CRB1: variants seen among roughly 807,000 people sequenced by gnomAD.
The protein encoded by CRB1 is crumbs cell polarity complex component 1, also known as protein crumbs homolog 1.
Under a neutral mutation model 120.0 loss-of-function variants are expected in CRB1, and 83 were observed. The ratio of observed to expected loss-of-function variants is 0.69; its 90% CI spans 0.58 to 0.83. CRB1 has a LOEUF of 0.83. Among genes scored for constraint, CRB1 ranks in the 40% least tolerant of loss-of-function variants. The pLI, the probability that CRB1 is intolerant of heterozygous loss-of-function variation, is 0.00. For synonymous variants in CRB1, 625 were observed against 612.5 expected, an observed-to-expected ratio of 1.02 and a Z score of -0.30; for missense variants, 1,699 against 1,687.6, an observed-to-expected ratio of 1.01 and a Z score of -0.12.
At chr1:197,316,260 C>T (rs1196261720) in intron 1 of CRB1, among the ~76,000 whole-genome samples, 1 of 152,106 alleles carries the variant, frequency 6.6e-6, no homozygotes, top group Non-Finnish European at 1.5e-5. Flanking sequence ...TCTTGGCTCA[C>T]TGCAAGCTCC....
chr1:197,261,560 C>G, the CRB1 span, among the ~76,000 whole-genome samples: 1 of 152,112 alleles, frequency 6.6e-6, no homozygotes, highest in Non-Finnish European at 1.5e-5. Context: ...ATTCATCTAT[C>G]CATCATCTAT....
intron 1 of CRB1, among the ~76,000 whole-genome samples, chr1:197,294,777 A>G (rs1656417897): frequency 6.6e-6 from 1 of 152,104 alleles, no homozygotes; most frequent in Non-Finnish European, 1.5e-5. Flanking sequence ...GAAGCTGGAA[A>G]CTATCATTCT....
At chr1:197,223,025 C>G in the CRB1 span, 1 of 788,712 alleles carries the variant, frequency 1.3e-6, no homozygotes, top group East Asian at 2.4e-5. Flanking sequence ...TGACACCTCC[C>G]TTATGAGGAA....
Position 197,347,465 on chromosome 1 carries a change from G to C in CRB1, c.974G>C (p.Cys325Ser). 1 of 1,614,120 alleles carries C rather than the reference G, an allele frequency of 6.2e-7. No individual in the cohort carries two copies. The highest frequency in any genetic ancestry group is 8.5e-7 in the Non-Finnish European group (1 of 1,180,002). ...GAGGACAGTGTTGACAATTACACTT[G>C]TCACTGCTGGCCTGGTGAGTGACAA... Reference protein sequence around the residue: ...TCEDSVDNYTCHCWPGYTGAQ... With the variant: ...TCEDSVDNYTSHCWPGYTGAQ... Residue 325 changes from cysteine (C) to serine (S), a missense_variant, in exon 4 of 12, where the codon TGT becomes TCT. By Grantham distance (112) the Cys-to-Ser change is moderately radical. Transcript: ENST00000367400.
intron 2 of CRB1, among the ~76,000 whole-genome samples, chr1:197,340,526 C>G (rs1002991368): frequency 6.6e-6 from 1 of 151,740 alleles, no homozygotes; most frequent in Non-Finnish European, 1.5e-5. Context: ...AGAGTGATTG[C>G]GAAAAGAGAA....
chr1:197,278,558 A>G (rs1229170911), intron 1 of CRB1, among the ~76,000 whole-genome samples: 2 of 151,908 alleles, frequency 1.3e-5, no homozygotes, highest in Admixed American at 1.3e-4. Context: ...ATAGCTCTTA[A>G]AAGCTTCAGC....
intron 5 of CRB1, among the ~76,000 whole-genome samples, chr1:197,403,002 G>A (rs1663145427): frequency 6.6e-6 from 1 of 151,906 alleles, no homozygotes; most frequent in Admixed American, 6.6e-5. Flanking sequence ...TTTCATTTTT[G>A]TGTCTTTTTA....
At chr1:197,328,355 C>A in intron 1 of CRB1, 67 bp from the exon 2 acceptor site, 6 of 1,344,632 alleles carry the variant, frequency 4.5e-6, no homozygotes, top group Non-Finnish European at 6.3e-6. Context: ...ACAAAGGTCA[C>A]AAAGAAAGAT....
chr1:197,331,652 G>A (rs1254084255), intron 2 of CRB1, among the ~76,000 whole-genome samples: 1 of 151,998 alleles, frequency 6.6e-6, no homozygotes, highest in Non-Finnish European at 1.5e-5. Flanking sequence ...TTAAGATAGT[G>A]TCTTCCATTT....
chr1:197,447,814 A>C, intron 11 of CRB1, among the ~76,000 whole-genome samples: 1 of 150,184 alleles, frequency 6.7e-6, no homozygotes, highest in East Asian at 2.0e-4. Flanking sequence ...TGATGGCACC[A>C]CTGCACTCCA....
At position 197,478,329 on chromosome 1, in the gene CRB1, GTTA is replaced by G. The variant is rs1243852349; in HGVS notation, c.*453_*455del. ...TCACTTCTCCTATCATGTGGTCAAA[GTTA>G]TTGTTGTATACCAGCGATGGGATGT... On this transcript the variant is annotated 3_prime_UTR_variant, in exon 12 of 12. Transcript: ENST00000367400. 2.1e-5 allele frequency: 5 copies of G among 235,610 alleles called. No individual in the cohort carries two copies. Among genetic ancestry groups the G allele is most frequent in the Non-Finnish European group, 4.2e-5 (5 of 118,578 alleles). 14.6% of individuals were successfully genotyped at this position (235,610 alleles called of 1,614,324 possible).
intron 4 of CRB1, among the ~76,000 whole-genome samples, chr1:197,352,473 C>A (rs1660157699): frequency 6.6e-6 from 1 of 152,112 alleles, no homozygotes. Context: ...ATAGTCCAGC[C>A]TTTCTTCAAT....
the CRB1 span, among the ~76,000 whole-genome samples, chr1:197,239,622 T>G: frequency 3.7e-4 from 56 of 152,076 alleles, no homozygotes; most frequent in African/African-American, 1.3e-3. Flanking sequence ...AGGTCATGTT[T>G]TAAAATCTAC....
intron 5 of CRB1, among the ~76,000 whole-genome samples, chr1:197,409,229 A>G (rs771158861): frequency 1.3e-5 from 2 of 152,358 alleles, no homozygotes; most frequent in Middle Eastern, 3.4e-3. Flanking sequence ...CGCTGTACAC[A>G]CACAATCTTA....
chr1:197,225,427 A>T, the CRB1 span, among the ~76,000 whole-genome samples: 2 of 152,236 alleles, frequency 1.3e-5, no homozygotes, highest in Non-Finnish European at 2.9e-5. Context: ...AGAGCATCTT[A>T]ATTGCCTACC....
intron 1 of CRB1, among the ~76,000 whole-genome samples, chr1:197,280,249 G>T (rs2125217513): frequency 6.6e-6 from 1 of 151,850 alleles, no homozygotes; most frequent in East Asian, 1.9e-4. Context: ...CTTTATGAAG[G>T]GAAGCATTAA....
intron 11 of CRB1, among the ~76,000 whole-genome samples, chr1:197,452,756 C>T (rs1666032942): frequency 6.6e-6 from 1 of 152,188 alleles, no homozygotes; most frequent in Admixed American, 6.5e-5. Context: ...TAAGTTGATT[C>T]CTAAATAAGT....
intron 1 of CRB1, among the ~76,000 whole-genome samples, chr1:197,303,668 A>T (rs1657007674): frequency 6.6e-6 from 1 of 152,208 alleles, no homozygotes; most frequent in South Asian, 2.1e-4. Flanking sequence ...TGATAGAATC[A>T]AAACTAACAT....
the CRB1 span, among the ~76,000 whole-genome samples, chr1:197,251,451 G>A: frequency 3.9e-5 from 6 of 151,916 alleles, no homozygotes; most frequent in Admixed American, 2.0e-4. Context: ...ATGTAATTGC[G>A]TGGAATACAG....
Sources: allele counts gnomAD v4.1 joint callset (sites outside exome capture counted in the v4.1 genomes callset), GRCh38; gene constraint gnomAD v4.1.1; transcripts MANE v1.5; gene names NCBI Gene and HGNC (gene_info 2026-07-23, HGNC 2026-07-21).